Variants in FOXN3 observed in about 807,000 individuals in gnomAD.
FOXN3 encodes forkhead box protein N3.
FOXN3 carries 7 observed loss-of-function variants against 38.4 expected under a neutral mutation model. That is an observed-to-expected ratio of 0.18 (90% CI 0.10 to 0.34). FOXN3 has a LOEUF of 0.34. FOXN3 is among the 10% of genes least tolerant of loss of function. The pLI is 1.00. For synonymous variants in FOXN3, 230 were observed against 242.2 expected (o/e 0.95, Z 0.47); for missense variants, 456 against 613.4 (o/e 0.74, Z 2.71).
intron 1 of FOXN3, among the ~76,000 whole-genome samples, chr14:89,534,265 C>A (rs1894637341): frequency 6.6e-6 from 1 of 151,796 alleles, no homozygotes; most frequent in African/African-American, 2.4e-5. Flanking sequence ...ACCACCACAC[C>A]CAGCTAGTTT....
chr14:89,190,559 T>C (rs1887916201), intron 4 of FOXN3: 1 of 774,786 alleles, frequency 1.3e-6, no homozygotes, highest in Non-Finnish European at 2.0e-6. Flanking sequence ...AAAAAAAATA[T>C]CCAGCAACTG....
At chr14:89,235,026 C>T (rs1028625308) in intron 4 of FOXN3, among the ~76,000 whole-genome samples, 2 of 152,184 alleles carry the variant, frequency 1.3e-5, no homozygotes, top group South Asian at 2.1e-4. Flanking sequence ...TGATGATACT[C>T]GTAACTTTAT....
chr14:89,546,991 G>A (rs1011626676), intron 1 of FOXN3, among the ~76,000 whole-genome samples: 1 of 151,936 alleles, frequency 6.6e-6, no homozygotes, highest in Admixed American at 6.6e-5. Context: ...CACCATGTTG[G>A]CCAGGCTGGT....
intron 1 of FOXN3, among the ~76,000 whole-genome samples, chr14:89,473,894 A>G (rs987413885): frequency 2.0e-5 from 3 of 152,188 alleles, no homozygotes; most frequent in African/African-American, 7.2e-5. Context: ...ACAAAACATG[A>G]ATTTAGGACA....
intron 4 of FOXN3, among the ~76,000 whole-genome samples, chr14:89,190,002 C>G (rs546877708): frequency 1.3e-5 from 2 of 152,210 alleles, no homozygotes; most frequent in Non-Finnish European, 2.9e-5. Context: ...ATGGGTACTG[C>G]TCAGGTCCAT....
rs371237600 is a variant in FOXN3 at position 89,462,815 on chromosome 14, G to T, written c.-14-50325C>A. Reference sequence around the variant, plus strand: ...TTCTCTCACTTCAGCCTCCTGAGTAGCTGGGACTACAGGCGCCCGCCACCA... The same window carrying T: ...TTCTCTCACTTCAGCCTCCTGAGTATCTGGGACTACAGGCGCCCGCCACCA... On this transcript the variant is annotated intron_variant, in intron 1 of 6. Transcript: ENST00000345097. 2.2e-3 allele frequency among the ~76,000 whole-genome samples: 340 copies of T among 151,838 alleles called. 2 individuals carry two copies. Among genetic ancestry groups the T allele is most frequent in the Middle Eastern group, 0.01 (3 of 294 alleles).
intron 2 of FOXN3, among the ~76,000 whole-genome samples, chr14:89,372,554 A>G (rs950725430): frequency 6.6e-6 from 1 of 152,210 alleles, no homozygotes; most frequent in African/African-American, 2.4e-5. Context: ...GAATTCATTT[A>G]TTGTAACAAG....
chr14:89,380,687 T>C (rs1433062091), intron 2 of FOXN3, among the ~76,000 whole-genome samples: 1 of 152,146 alleles, frequency 6.6e-6, no homozygotes, highest in African/African-American at 2.4e-5. Context: ...CACAACCCCG[T>C]CCTATAAAGA....
chr14:89,230,189 C>T (rs10144627), intron 4 of FOXN3, among the ~76,000 whole-genome samples: 64,875 of 152,144 alleles, frequency 0.43, 14,153 homozygotes, highest in African/African-American at 0.52. Flanking sequence ...AACCCAAGAA[C>T]ACTGTAAATC....
intron 1 of FOXN3, among the ~76,000 whole-genome samples, chr14:89,485,149 C>CTCAA (rs35822127): frequency 3.2e-4 from 41 of 129,038 alleles, no homozygotes; most frequent in Middle Eastern, 3.9e-3. Flanking sequence ...AAGACTCTCT[C>CTCAA]AAAAAAAAAA....
chr14:89,565,209 G>A (rs545810096), intron 1 of FOXN3, among the ~76,000 whole-genome samples: 4 of 150,668 alleles, frequency 2.7e-5, no homozygotes, highest in East Asian at 4.0e-4. Flanking sequence ...GCCAAGGAAC[G>A]CCCAGAATTG....
chr14:89,374,065 A>C (rs963292888), intron 2 of FOXN3, among the ~76,000 whole-genome samples: 1 of 152,008 alleles, frequency 6.6e-6, no homozygotes, highest in Non-Finnish European at 1.5e-5. Flanking sequence ...CAGGAGTTCA[A>C]GATCAGTCTG....
At chr14:89,413,253 C>A (rs181664298) in intron 1 of FOXN3, among the ~76,000 whole-genome samples, 2 of 152,286 alleles carry the variant, frequency 1.3e-5, no homozygotes, top group Admixed American at 1.3e-4. Flanking sequence ...CTCTCCGTAG[C>A]GCTAAAACAA....
intron 4 of FOXN3, among the ~76,000 whole-genome samples, chr14:89,190,056 C>T (rs554118697): frequency 4.6e-5 from 7 of 152,344 alleles, no homozygotes; most frequent in African/African-American, 1.4e-4. Flanking sequence ...GGAGAAACTA[C>T]AAACTCACAG....
intron 1 of FOXN3, among the ~76,000 whole-genome samples, chr14:89,561,064 G>C (rs770171935): frequency 2.0e-5 from 3 of 152,230 alleles, no homozygotes; most frequent in Non-Finnish European, 4.4e-5. Flanking sequence ...ACCTGGAGCA[G>C]AAGACGGAGA....
chr14:89,179,631 C>A (rs776974685), intron 5 of FOXN3, among the ~76,000 whole-genome samples: 2 of 152,102 alleles, frequency 1.3e-5, no homozygotes, highest in African/African-American at 4.8e-5. Context: ...ACACAAAGCA[C>A]CCAGGACAGA....
chr14:89,464,691 TTTTTG>T lies in FOXN3; in HGVS notation c.-14-52206_-14-52202del, dbSNP rs1000514215. On this transcript the variant is annotated intron_variant, in intron 1 of 6. Coordinates refer to the FOXN3 transcript ENST00000345097. ...CAGTTACCCCCATGCTGCTTTTCTGTTTTTGTTTTGTTTTGTTTTGTTTTTGAGAC... is the reference window on the plus strand; with the variant it reads ...CAGTTACCCCCATGCTGCTTTTCTGTTTTTGTTTTGTTTTGTTTTTGAGAC... Among the ~76,000 whole-genome samples, 32 of 151,800 alleles carry T rather than the reference TTTTTG, an allele frequency of 2.1e-4. No individual in the cohort carries two copies. In the East Asian group the frequency reaches 4.9e-3, roughly 23 times the overall value.
chr14:89,219,590 C>T (rs1159044763), intron 4 of FOXN3, among the ~76,000 whole-genome samples: 2 of 152,104 alleles, frequency 1.3e-5, no homozygotes, highest in South Asian at 2.1e-4. Flanking sequence ...AAACATCTGG[C>T]GAGTGGATGG....
In FOXN3 at chr14:89,564,451, G is replaced by A. The variant is rs148515517; in HGVS notation, c.-15+54577C>T. Reference sequence around the variant, plus strand: ...AGATTGACTCACATGCCCTCCTTCCGTGCTAAAAGTGAAAGCTACATATCA... The same window carrying A: ...AGATTGACTCACATGCCCTCCTTCCATGCTAAAAGTGAAAGCTACATATCA... On this transcript the variant is annotated intron_variant, in intron 1 of 6. Coordinates refer to the FOXN3 transcript ENST00000345097. Among the ~76,000 whole-genome samples the A allele has an allele frequency of 1.4e-3, 207 of 152,086 alleles. 1 individual carries two copies. Among genetic ancestry groups the A allele is most frequent in the African/African-American group, 4.8e-3 (201 of 41,490 alleles).
Sources: gnomAD v4.1 joint callset for allele counts (sites outside exome capture counted in the v4.1 genomes callset) on GRCh38, gnomAD v4.1.1 for gene constraint, MANE v1.5 for transcripts, NCBI Gene and HGNC (gene_info 2026-07-23, HGNC 2026-07-21) for gene names.